The following SH3RF3 variants were observed in gnomAD, a reference collection of about 807,000 sequenced individuals.
SH3RF3 encodes E3 ubiquitin-protein ligase SH3RF3.
SH3RF3 carries 29 observed loss-of-function variants against 66.3 expected under a neutral mutation model. The ratio of observed to expected loss-of-function variants is 0.44; its 90% CI spans 0.33 to 0.60. SH3RF3 has a LOEUF of 0.60. Among genes scored for constraint, SH3RF3 ranks in the 20% least tolerant of loss-of-function variants. The pLI is 0.04. For synonymous variants in SH3RF3, 583 were observed against 532.0 expected, an observed-to-expected ratio of 1.10 and a Z score of -1.32; for missense variants, 1,194 against 1,190.9, an observed-to-expected ratio of 1.00 and a Z score of -0.04.
Position 109,129,712 on chromosome 2 carries a change from T to G in SH3RF3, c.172T>G (p.Ser58Ala). ...GTCGCTGCTGGACCTGCTGGAGTGC[T>G]CCGTGTGTCTGGAGCGCCTGGACAC... Reference protein sequence around the residue: ...ESSLLDLLECSVCLERLDTTA... With the variant: ...ESSLLDLLECAVCLERLDTTA... The change falls in exon 1 of 10, where the codon TCC becomes GCC. Residue 58 changes from serine to alanine, a missense_variant. Transcript: ENST00000309415. 1.3e-6 allele frequency: 2 copies of G among 1,536,882 alleles called. No homozygotes were observed. The highest frequency in any genetic ancestry group is 2.4e-5 in the South Asian group (2 of 83,112).
At chr2:109,304,740 T>A (rs1681551981) in intron 1 of SH3RF3, among the ~76,000 whole-genome samples, 1 of 152,162 alleles carries the variant, frequency 6.6e-6, no homozygotes, top group South Asian at 2.1e-4. Context: ...GGAGCTAATC[T>A]AGGGAGAGGT....
At chr2:109,499,227 G>A (rs1426365704) in intron 9 of SH3RF3, among the ~76,000 whole-genome samples, 2 of 152,142 alleles carry the variant, frequency 1.3e-5, no homozygotes. Context: ...AGACAGCCTC[G>A]GCGTCTGTGG....
chr2:109,416,465 A>G (rs1676725954), intron 4 of SH3RF3, among the ~76,000 whole-genome samples: 1 of 152,124 alleles, frequency 6.6e-6, no homozygotes, highest in Non-Finnish European at 1.5e-5. Flanking sequence ...GCTCACTGCA[A>G]CTTCCGCCTC....
intron 1 of SH3RF3, among the ~76,000 whole-genome samples, chr2:109,232,193 C>T (rs1679529274): frequency 6.6e-6 from 1 of 152,180 alleles, no homozygotes; most frequent in African/African-American, 2.4e-5. Flanking sequence ...AAGGAACTTC[C>T]AGGCTATTTA....
rs552276368 is a variant in SH3RF3, at chr2:109,168,242, A to G, written c.573+38129A>G. ...GAGCTTTTCTGGAGAGATCAAAACT[A>G]TACATTTTCACCACCTGATGGGGTC... is the stretch of plus-strand genomic sequence containing the variant. On this transcript the variant is annotated intron_variant, in intron 1 of 9. Transcript: ENST00000309415. 1.2e-4 allele frequency among the ~76,000 whole-genome samples: 18 copies of G among 152,328 alleles called. No homozygotes were observed. The South Asian group carries it at 2.7e-3, about 23-fold the overall frequency.
At chr2:109,184,780 G>A (rs979828700) in intron 1 of SH3RF3, among the ~76,000 whole-genome samples, 10 of 152,220 alleles carry the variant, frequency 6.6e-5, no homozygotes, top group Non-Finnish European at 1.5e-4. Context: ...AGAGTTCAGG[G>A]AGTTGTGCCA....
intron 7 of SH3RF3, among the ~76,000 whole-genome samples, chr2:109,440,090 T>C (rs1677519801): frequency 6.6e-6 from 1 of 152,258 alleles, no homozygotes; most frequent in Non-Finnish European, 1.5e-5. Flanking sequence ...AGCAATGGCC[T>C]GGCAATGAGG....
intron 1 of SH3RF3, among the ~76,000 whole-genome samples, chr2:109,131,008 T>C (rs1676680595): frequency 6.6e-6 from 1 of 152,148 alleles, no homozygotes; most frequent in South Asian, 2.1e-4. Flanking sequence ...AGCACTTAAA[T>C]GTTAAAAAAA....
chr2:109,418,808 G>A lies in SH3RF3; in HGVS notation c.1300-731G>A, dbSNP rs969503074. Among the ~76,000 whole-genome samples the A allele has an allele frequency of 7.2e-5, 11 of 152,170 alleles. No homozygotes were observed. In the East Asian group the frequency reaches 7.7e-4, roughly 11 times the overall value. ...GGACACTGTCCTAGGGAAGGCCAGGGCAGGGCGAGCAAGCTGGGTCGTAGG... is the reference window on the plus strand; with the variant it reads ...GGACACTGTCCTAGGGAAGGCCAGGACAGGGCGAGCAAGCTGGGTCGTAGG... On this transcript the variant is annotated intron_variant, in intron 4 of 9. Coordinates refer to ENST00000309415, the MANE Select transcript of SH3RF3 (RefSeq NM_001099289.3).
Position 109,129,673 on chromosome 2 carries a change from G to A in SH3RF3, c.133G>A (p.Asp45Asn), listed in dbSNP as rs932909169. 6.6e-7 allele frequency: 1 copy of A among 1,520,406 alleles called. No individual in the cohort carries two copies. The highest frequency in any genetic ancestry group is 8.8e-7 in the Non-Finnish European group (1 of 1,139,866). 94.2% of individuals were successfully genotyped at this position (1,520,406 alleles called of 1,614,324 possible). ...GGCCACCGCCGCGGGGGCGGGCGAG[G>A]ACATGGACGAGTCGTCGCTGCTGGA... The part of the protein sequence containing the change: ...AAATAAGAGE[D>N]MDESSLLDLL... Residue 45 changes from aspartate to asparagine, a missense_variant, in exon 1 of 10, where the codon GAC becomes AAC. Asp to Asn is a conservative substitution (Grantham distance 23). Coordinates refer to ENST00000309415, the MANE Select transcript of SH3RF3 (RefSeq NM_001099289.3).
chr2:109,144,481 C>T (rs900659612), intron 1 of SH3RF3, among the ~76,000 whole-genome samples: 4 of 152,220 alleles, frequency 2.6e-5, no homozygotes, highest in South Asian at 2.1e-4. Flanking sequence ...TGAAGGCTCA[C>T]GCCCAGCTGT....
chr2:109,467,193 G>T (rs976805050), intron 8 of SH3RF3, among the ~76,000 whole-genome samples: 1 of 152,354 alleles, frequency 6.6e-6, no homozygotes, highest in South Asian at 2.1e-4. Flanking sequence ...TGAGGGATCC[G>T]TAGCAGCTTT....
chr2:109,216,909 C>A (rs1164322831), intron 1 of SH3RF3, among the ~76,000 whole-genome samples: 1 of 152,314 alleles, frequency 6.6e-6, no homozygotes, highest in Non-Finnish European at 1.5e-5. Flanking sequence ...TTCGTCTTCC[C>A]AAACCGAAAT....
At chr2:109,447,382 C>T (rs1677741194) in intron 7 of SH3RF3, among the ~76,000 whole-genome samples, 1 of 152,078 alleles carries the variant, frequency 6.6e-6, no homozygotes, top group Non-Finnish European at 1.5e-5. Flanking sequence ...TTCCCGTGGC[C>T]TCCAAACGCT....
intron 8 of SH3RF3, among the ~76,000 whole-genome samples, chr2:109,470,569 G>A (rs966298589): frequency 2.6e-5 from 4 of 152,210 alleles, no homozygotes; most frequent in South Asian, 2.1e-4. Flanking sequence ...AGTACTCTAC[G>A]TGCAGAGCTG....
chr2:109,420,387 C>T (rs555167413), intron 5 of SH3RF3, among the ~76,000 whole-genome samples: 2 of 152,114 alleles, frequency 1.3e-5, no homozygotes, highest in Non-Finnish European at 2.9e-5. Flanking sequence ...GTCAGAGGGA[C>T]ACTCAGAACC....
intron 3 of SH3RF3, among the ~76,000 whole-genome samples, chr2:109,374,096 A>G (rs1233554949): frequency 1.3e-5 from 2 of 152,260 alleles, no homozygotes; most frequent in East Asian, 3.9e-4. Context: ...GGAGGGCTCC[A>G]TAGCCCCACC....
chr2:109,386,724 G>T (rs1675833796), intron 3 of SH3RF3, among the ~76,000 whole-genome samples: 1 of 152,144 alleles, frequency 6.6e-6, no homozygotes, highest in Non-Finnish European at 1.5e-5. Flanking sequence ...CTCAGCTGGT[G>T]GCTGTCACCT....
chr2:109,321,868 C>G lies in SH3RF3; in HGVS notation c.574-25806C>G, dbSNP rs540053132. Among the ~76,000 whole-genome samples, 198 of 152,312 alleles carry G rather than the reference C, an allele frequency of 1.3e-3. No individual in the cohort carries two copies. The Middle Eastern group carries it at 0.017, about 13-fold the overall frequency. ...GGTTCTGCCAAATTCCAGTGGATTC[C>G]CACTGCTTACTTCAAGTCCCAGTGT... On this transcript the variant is annotated intron_variant, in intron 1 of 9. Coordinates refer to ENST00000309415, the MANE Select transcript of SH3RF3 (RefSeq NM_001099289.3).
Sources: allele counts gnomAD v4.1 joint callset (sites outside exome capture counted in the v4.1 genomes callset), GRCh38; gene constraint gnomAD v4.1.1; transcripts MANE v1.5; gene names NCBI Gene and HGNC (gene_info 2026-07-23, HGNC 2026-07-21).